BICD1: variants seen among roughly 807,000 people sequenced by gnomAD.
BICD1 encodes the protein BICD cargo adaptor 1.
A neutral mutation model predicts 92.5 loss-of-function variants in BICD1; 35 were observed. The observed-to-expected ratio is 0.38, with a 90% CI of 0.29 to 0.50. BICD1 has a LOEUF of 0.50. Among genes scored for constraint, BICD1 ranks in the 20% least tolerant of loss-of-function variants. The probability of loss-of-function intolerance (pLI) is 0.93; values close to 1 mark genes in which losing one functional copy is unlikely to be tolerated. For synonymous variants in BICD1, 429 were observed against 465.1 expected, an observed-to-expected ratio of 0.92 and a Z score of 1.00; for missense variants, 950 against 1,189.8, an observed-to-expected ratio of 0.80 and a Z score of 2.97.
intron 2 of BICD1, among the ~76,000 whole-genome samples, chr12:32,236,397 A>ATAG (rs147422886): frequency 0.048 from 7,341 of 151,912 alleles, 287 homozygotes; most frequent in East Asian, 0.21. Context: ...TCCATCTCAA[A>ATAG]TAATAATAAT....
intron 2 of BICD1, among the ~76,000 whole-genome samples, chr12:32,245,096 G>A (rs1336214155): frequency 6.6e-6 from 1 of 151,974 alleles, no homozygotes; most frequent in Admixed American, 6.6e-5. Flanking sequence ...TTTTTCATCT[G>A]TATAATAGGG....
Position 32,192,449 on chromosome 12 carries a change from AATAAATAGATAG to A in BICD1, c.214-23794_214-23783del, listed in dbSNP as rs1944599017. On this transcript the variant is annotated intron_variant, in intron 1 of 9. Coordinates refer to ENST00000652176, the MANE Select transcript of BICD1 (RefSeq NM_001714.4). ...ACTCTGTTAAATAAATAAATAAATA[AATAAATAGATAG>A]ATAGATAGATAGATAGACAAATAAA... Among the ~76,000 whole-genome samples, 5 of 143,574 alleles carry A rather than the reference AATAAATAGATAG, an allele frequency of 3.5e-5. No individual in the cohort carries two copies. In the South Asian group the frequency reaches 6.4e-4, roughly 18 times the overall value. 94.2% of individuals were successfully genotyped at this position (143,574 alleles called of 152,430 possible).
rs1245265708 is a variant in BICD1, at chr12:32,381,709, T to C, written c.*4082T>C. 2.6e-5 allele frequency: 4 copies of C among 152,136 alleles called. No homozygotes were observed. The highest frequency in any genetic ancestry group is 9.6e-5 in the African/African-American group (4 of 41,462). The allele number at this position is 152,136 out of a possible 1,614,324, so 9.4% of individuals were successfully genotyped here. On this transcript the variant is annotated 3_prime_UTR_variant, in exon 10 of 10. Coordinates refer to ENST00000652176, the MANE Select transcript of BICD1 (RefSeq NM_001714.4). ...CTGATGGATTTCCAGTAAGGAACTG[T>C]GGTGGGTTCAAACTCAGGCTGCCAC... is the stretch of plus-strand genomic sequence containing the variant.
At chr12:32,270,076 G>T (rs1024036314) in intron 2 of BICD1, among the ~76,000 whole-genome samples, 3 of 150,048 alleles carry the variant, frequency 2.0e-5, no homozygotes, top group Non-Finnish European at 4.4e-5. Context: ...AGCCAAGATG[G>T]CACCACTGCT....
intron 2 of BICD1, among the ~76,000 whole-genome samples, chr12:32,239,997 G>A (rs73310734): frequency 0.17 from 26,510 of 152,074 alleles, 2,865 homozygotes; most frequent in African/African-American, 0.3. Flanking sequence ...CATAACTTTT[G>A]TATGCACTAG....
At chr12:32,288,931 T>C (rs1035254895) in intron 2 of BICD1, among the ~76,000 whole-genome samples, 2 of 152,204 alleles carry the variant, frequency 1.3e-5, no homozygotes, top group African/African-American at 4.8e-5. Flanking sequence ...TTTTACACTT[T>C]TTAAAATATT....
chr12:32,253,650 CTTCTT>C lies in BICD1; in HGVS notation c.426+37194_426+37198del, dbSNP rs1232851359. ...AATTCCTTAGTCACTCTCTAGCACA[CTTCTT>C]TTTTATTTTTAACATTTTTCACTAT... On this transcript the variant is annotated intron_variant, in intron 2 of 9. Transcript: ENST00000652176. Among the ~76,000 whole-genome samples the C allele has an allele frequency of 4.6e-5, 7 of 152,156 alleles. No individual in the cohort carries two copies. In the East Asian group the frequency reaches 1.3e-3, roughly 29 times the overall value.
intron 1 of BICD1, among the ~76,000 whole-genome samples, chr12:32,213,287 A>T (rs1237044123): frequency 2.0e-5 from 3 of 152,172 alleles, no homozygotes; most frequent in Non-Finnish European, 4.4e-5. Flanking sequence ...CAATGTCCCC[A>T]GTTTGGGTTT....
At chr12:32,374,830 G>A (rs1592733732) in intron 9 of BICD1, among the ~76,000 whole-genome samples, 1 of 137,318 alleles carries the variant, frequency 7.3e-6, no homozygotes, top group Non-Finnish European at 1.5e-5. Flanking sequence ...CAGGTGATCC[G>A]CCTGCCTCGG....
At chr12:32,218,612 ATAG>A (rs1335232998) in intron 2 of BICD1, among the ~76,000 whole-genome samples, 1 of 152,198 alleles carries the variant, frequency 6.6e-6, no homozygotes, top group Non-Finnish European at 1.5e-5. Context: ...TGCATTTTAC[ATAG>A]TAGATTTGCA....
At chr12:32,242,913 G>A (rs1236131928) in intron 2 of BICD1, among the ~76,000 whole-genome samples, 2 of 152,040 alleles carry the variant, frequency 1.3e-5, no homozygotes, top group South Asian at 2.1e-4. Flanking sequence ...TCTGGGCCTC[G>A]ATCTTGTTAG....
intron 2 of BICD1, among the ~76,000 whole-genome samples, chr12:32,247,949 G>A (rs1359774658): frequency 4.6e-5 from 7 of 151,554 alleles, no homozygotes; most frequent in Non-Finnish European, 1.0e-4. Flanking sequence ...GCCACGTGGT[G>A]GTGCGCACCT....
chr12:32,357,306 C>T (rs915077824), intron 8 of BICD1, among the ~76,000 whole-genome samples: 2 of 152,160 alleles, frequency 1.3e-5, no homozygotes, highest in African/African-American at 4.8e-5. Context: ...AGCAACCACA[C>T]CCAGCCCCAG....
Position 32,107,316 on chromosome 12 carries a change from T to C in BICD1, c.-16T>C, listed in dbSNP as rs778694176. ...CCCCACCCCGTAACCCCCTCCTGCC[T>C]CCATCCACCGGGGCTATGGCCGCAG... On this transcript the variant is annotated 5_prime_UTR_variant, in exon 1 of 10. Transcript: ENST00000652176. 3.2e-6 allele frequency: 5 copies of C among 1,579,678 alleles called. No homozygotes were observed. The East Asian group carries it at 9.1e-5, about 29-fold the overall frequency.
chr12:32,145,619 T>TA (rs1943078702), intron 1 of BICD1, among the ~76,000 whole-genome samples: 1 of 152,226 alleles, frequency 6.6e-6, no homozygotes, highest in Non-Finnish European at 1.5e-5. Context: ...TACACAGAGA[T>TA]AGCAGTTTTT....
At chr12:32,131,585 T>C (rs1942548276) in intron 1 of BICD1, among the ~76,000 whole-genome samples, 1 of 152,184 alleles carries the variant, frequency 6.6e-6, no homozygotes, top group South Asian at 2.1e-4. Context: ...CTCTGTCCTC[T>C]GCAAAAATAA....
At chr12:32,360,237 G>A (rs1939274135) in intron 8 of BICD1, among the ~76,000 whole-genome samples, 1 of 151,866 alleles carries the variant, frequency 6.6e-6, no homozygotes, top group Admixed American at 6.6e-5. Context: ...AAAGAAGAAA[G>A]CACACGTCCC....
chr12:32,186,301 C>G (rs566655463), intron 1 of BICD1, among the ~76,000 whole-genome samples: 1 of 152,206 alleles, frequency 6.6e-6, no homozygotes, highest in Non-Finnish European at 1.5e-5. Flanking sequence ...AGTACACAGC[C>G]ATTTCTACTA....
intron 1 of BICD1, among the ~76,000 whole-genome samples, chr12:32,123,689 C>T (rs1942231967): frequency 6.6e-6 from 1 of 152,108 alleles, no homozygotes; most frequent in African/African-American, 2.4e-5. Context: ...CCAGCCTGGC[C>T]AACATGGTGA....
Sources: gnomAD v4.1 joint callset for allele counts (sites outside exome capture counted in the v4.1 genomes callset) on GRCh38, gnomAD v4.1.1 for gene constraint, MANE v1.5 for transcripts, NCBI Gene and HGNC (gene_info 2026-07-23, HGNC 2026-07-21) for gene names.